The following HECW1 variants were observed in gnomAD, a reference collection of about 807,000 sequenced individuals.
HECW1 encodes the protein HECT, C2 and WW domain containing E3 ubiquitin protein ligase 1.
In HECW1, 61 loss-of-function variants were observed where a neutral mutation model predicts 182.3. The observed-to-expected ratio is 0.33, with a 90% CI of 0.27 to 0.41. The LOEUF (loss-of-function observed/expected upper bound fraction) is 0.41. Ranked by LOEUF, HECW1 falls within the 10% of genes least tolerant of loss-of-function variation. HECW1 has a pLI of 1.00. For missense variants in HECW1, 1,739 were observed against 2,108.9 expected, an observed-to-expected ratio of 0.82 and a Z score of 3.44; for synonymous variants, 859 against 832.6, an observed-to-expected ratio of 1.03 and a Z score of -0.55.
intron 12 of HECW1, among the ~76,000 whole-genome samples, chr7:43,453,478 G>C (rs2077301661): frequency 6.6e-6 from 1 of 152,136 alleles, no homozygotes; most frequent in South Asian, 2.1e-4. Context: ...TCCAACACTT[G>C]GTTTCGATCA....
chr7:43,433,254 G>T (rs1449417243), intron 8 of HECW1, among the ~76,000 whole-genome samples: 2 of 152,222 alleles, frequency 1.3e-5, no homozygotes, highest in Admixed American at 6.5e-5. Context: ...GGAAGATTTA[G>T]ATTTGGTGTA....
chr7:43,561,760 G>C, intron 29 of HECW1, 55 bp from the exon 30 acceptor site: 1 of 1,221,256 alleles, frequency 8.2e-7, no homozygotes, highest in Non-Finnish European at 1.2e-6. Context: ...CACAGATCCA[G>C]AACCAGTTGT....
intron 6 of HECW1, among the ~76,000 whole-genome samples, chr7:43,392,499 G>A (rs1277584542): frequency 1.3e-5 from 2 of 152,126 alleles, no homozygotes; most frequent in African/African-American, 4.8e-5. Context: ...TTCAGCTTTA[G>A]GTTTCTTCAT....
intron 2 of HECW1, among the ~76,000 whole-genome samples, chr7:43,190,367 C>T (rs1793798641): frequency 6.6e-6 from 1 of 152,216 alleles, no homozygotes; most frequent in East Asian, 1.9e-4. Flanking sequence ...CCACCTTGGC[C>T]TCCCAAAGTG....
intron 2 of HECW1, among the ~76,000 whole-genome samples, chr7:43,180,365 A>C (rs1792714525): frequency 7.1e-6 from 1 of 141,090 alleles, no homozygotes; most frequent in South Asian, 2.2e-4. Context: ...ATTGCTTTCT[A>C]AGTTTTATTT....
intron 26 of HECW1, among the ~76,000 whole-genome samples, chr7:43,545,737 G>A (rs373794886): frequency 1.4e-4 from 22 of 152,138 alleles, no homozygotes; most frequent in African/African-American, 4.8e-4. Context: ...TCATTGAGTG[G>A]AAGTGGATCA....
intron 5 of HECW1, among the ~76,000 whole-genome samples, chr7:43,340,804 AC>A: frequency 6.6e-6 from 1 of 151,824 alleles, no homozygotes; most frequent in East Asian, 1.9e-4. Context: ...TGATCCCATT[AC>A]TGGGTATATA....
At chr7:43,282,266 A>G (rs1229656125) in intron 3 of HECW1, among the ~76,000 whole-genome samples, 1 of 152,214 alleles carries the variant, frequency 6.6e-6, no homozygotes, top group East Asian at 1.9e-4. Flanking sequence ...GAGCAGGAGG[A>G]AAGGCAGGTG....
chr7:43,533,582 T>C (rs1015332501), intron 24 of HECW1, among the ~76,000 whole-genome samples: 2 of 152,102 alleles, frequency 1.3e-5, no homozygotes, highest in African/African-American at 4.8e-5. Flanking sequence ...AGTACAGTGC[T>C]TGTTTCGACA....
chr7:43,435,929 C>T (rs35944261), intron 8 of HECW1, among the ~76,000 whole-genome samples: 35,169 of 152,056 alleles, frequency 0.23, 4,464 homozygotes, highest in Middle Eastern at 0.38. Context: ...CTTTGGGAGG[C>T]CGAGGCAGGC....
chr7:43,280,802 A>G (rs944143645), intron 3 of HECW1, among the ~76,000 whole-genome samples: 2 of 152,156 alleles, frequency 1.3e-5, no homozygotes, highest in African/African-American at 4.8e-5. Flanking sequence ...AAAGAACCCC[A>G]GCCAACTATA....
At chr7:43,122,566 T>G (rs1021563558) in intron 2 of HECW1, among the ~76,000 whole-genome samples, 2 of 152,210 alleles carry the variant, frequency 1.3e-5, no homozygotes, top group African/African-American at 4.8e-5. Flanking sequence ...ATAAGAACTT[T>G]GCAAGCACTA....
In HECW1 at chr7:43,396,842, C is replaced by A. The variant is rs750980231; in HGVS notation, c.584C>A (p.Thr195Asn). 3.1e-6 allele frequency: 5 copies of A among 1,612,818 alleles called. No homozygotes were observed. Among genetic ancestry groups the A allele is most frequent in the Non-Finnish European group, 2.5e-6 (3 of 1,179,642 alleles). Residue 195 changes from threonine to asparagine, a missense_variant, in exon 7 of 30, where the codon ACC becomes AAC. By Grantham distance (65) the Thr-to-Asn change is moderately conservative. Around this residue, in one of 5 missense-constraint regions of HECW1, gnomAD observed 279 missense variants for 353.1 expected, o/e 0.79. Coordinates refer to ENST00000395891, the MANE Select transcript of HECW1 (RefSeq NM_015052.5). ...PIFKSIGADETVQGQGSRRLI... is the reference protein window; with the variant it reads ...PIFKSIGADENVQGQGSRRLI... ...TTTAAAAGCATTGGTGCTGATGAGA[C>A]CGTCCAAGGACAAGGAAGTCGGAGG... is the stretch of plus-strand genomic sequence containing the variant.
At chr7:43,202,791 G>GC (rs1795128158) in intron 2 of HECW1, among the ~76,000 whole-genome samples, 1 of 152,156 alleles carries the variant, frequency 6.6e-6, no homozygotes, top group Non-Finnish European at 1.5e-5. Context: ...AGCAAGTGAA[G>GC]AATCACGAAA....
chr7:43,399,336 T>G (rs1354940966), intron 7 of HECW1, among the ~76,000 whole-genome samples: 1 of 152,264 alleles, frequency 6.6e-6, no homozygotes, highest in African/African-American at 2.4e-5. Context: ...CTGTCTCAGT[T>G]ATAATTTTGC....
chr7:43,190,265 C>A (rs899978491), intron 2 of HECW1, among the ~76,000 whole-genome samples: 6 of 152,140 alleles, frequency 3.9e-5, no homozygotes. Context: ...AGGCGTGTAC[C>A]ACCACGCCTG....
intron 3 of HECW1, among the ~76,000 whole-genome samples, chr7:43,275,169 C>A (rs1802959268): frequency 6.6e-6 from 1 of 152,078 alleles, no homozygotes; most frequent in African/African-American, 2.4e-5. Flanking sequence ...TTAAGAATAT[C>A]TTTAAAAATC....
At chr7:43,517,197 G>A (rs945793467) in intron 24 of HECW1, among the ~76,000 whole-genome samples, 1 of 152,182 alleles carries the variant, frequency 6.6e-6, no homozygotes, top group African/African-American at 2.4e-5. Context: ...CCACCAAAAT[G>A]TCTGTGAGCT....
intron 2 of HECW1, among the ~76,000 whole-genome samples, chr7:43,142,162 C>T (rs771322869): frequency 3.3e-5 from 5 of 152,194 alleles, no homozygotes; most frequent in South Asian, 4.2e-4. Context: ...TTGTTGTGAA[C>T]GCCTGGCCTG....
Sources: gnomAD v4.1 joint callset for allele counts (sites outside exome capture counted in the v4.1 genomes callset) on GRCh38, gnomAD v4.1.1 for gene constraint, gnomAD v4.1.1 regional missense constraint, MANE v1.5 for transcripts, NCBI Gene and HGNC (gene_info 2026-07-23, HGNC 2026-07-21) for gene names.